The following RFX7 variants were observed in gnomAD, a reference collection of about 807,000 sequenced individuals.
RFX7 encodes the protein regulatory factor X7.
Under a neutral mutation model 111.8 loss-of-function variants are expected in RFX7, and 26 were observed. That is an observed-to-expected ratio of 0.23 (90% CI 0.17 to 0.32). The LOEUF is 0.32. RFX7 is among the 10% of genes least tolerant of loss of function. RFX7 has a pLI of 1.00. For synonymous variants in RFX7, 624 were observed against 624.4 expected, an observed-to-expected ratio of 1.00 and a Z score of 0.01; for missense variants, 1,573 against 1,772.9, an observed-to-expected ratio of 0.89 and a Z score of 2.02.
rs1234087376 is a variant in RFX7, at chr15:56,208,934, CAT to C, written c.162-29633_162-29632del. 1.3e-3 allele frequency among the ~76,000 whole-genome samples: 197 copies of C among 152,108 alleles called. 2 individuals are homozygous for C. The highest frequency in any genetic ancestry group is 4.6e-3 in the African/African-American group (191 of 41,524). ...TGTGGGATAACTACAAAGGGTGTAA[CAT>C]ATGTGTAATGGAAATTCCAGAAGGA... On this transcript the variant is annotated intron_variant, in intron 2 of 9. Coordinates refer to ENST00000559447, the MANE Select transcript of RFX7 (RefSeq NM_022841.7).
chr15:56,095,562 G>C lies in RFX7; in HGVS notation c.2166C>G (p.Val722=), dbSNP rs780954951. Residue 722 remains valine, a synonymous_variant, in exon 10 of 10, where the codon GTC becomes GTG. Coordinates refer to ENST00000559447, the MANE Select transcript of RFX7 (RefSeq NM_022841.7). ...GTTGATTTGCTCCTATGTGTGAACT[G>C]ACATTTACTGATACCTTGCTAGGAA... ...AQIPSKVSVN[V]SSHIGANQPL... 1 of 1,613,768 alleles carries C rather than the reference G, an allele frequency of 6.2e-7. No homozygotes were observed. Among genetic ancestry groups the C allele is most frequent in the African/African-American group, 1.3e-5 (1 of 74,914 alleles).
At chr15:56,203,364 G>A (rs1424028420) in intron 2 of RFX7, among the ~76,000 whole-genome samples, 10 of 152,102 alleles carry the variant, frequency 6.6e-5, no homozygotes, top group Non-Finnish European at 1.2e-4. Context: ...GAATTGCTGG[G>A]TTAAATAAAA....
chr15:56,142,045 T>C (rs1032332348), intron 5 of RFX7, among the ~76,000 whole-genome samples: 30 of 152,102 alleles, frequency 2.0e-4, no homozygotes, highest in Non-Finnish European at 2.5e-4. Context: ...TGCCCCAAAT[T>C]TGTAAGTACA....
intron 2 of RFX7, among the ~76,000 whole-genome samples, chr15:56,213,215 A>G (rs1376479426): frequency 6.6e-6 from 1 of 152,216 alleles, no homozygotes; most frequent in Non-Finnish European, 1.5e-5. Flanking sequence ...AATGCAGATT[A>G]TGTTCACATA....
At chr15:56,228,332 G>A (rs1316016285) in intron 2 of RFX7, among the ~76,000 whole-genome samples, 1 of 151,870 alleles carries the variant, frequency 6.6e-6, no homozygotes, top group African/African-American at 2.4e-5. Context: ...TTATGCTTAT[G>A]TTACACCTTT....
At position 56,243,532 on chromosome 15, in the gene RFX7, C is replaced by T. The variant is rs1380617907; in HGVS notation, c.-90G>A. 2.0e-6 allele frequency: 2 copies of T among 983,696 alleles called. No individual in the cohort carries two copies. Among genetic ancestry groups the T allele is most frequent in the East Asian group, 1.2e-4 (1 of 8,658 alleles). 60.9% of individuals were successfully genotyped at this position (983,696 alleles called of 1,614,324 possible). A position where few individuals can be genotyped will look rare whatever the true frequency, so the allele number is the denominator to read the frequency against. ...GCTCCTCACGGCCGGGGCGCTTCAC[C>T]GCGGGAGAGGCATGGCGGCGCCCCT... On this transcript the variant is annotated 5_prime_UTR_variant, in exon 1 of 10. Coordinates refer to ENST00000559447, the MANE Select transcript of RFX7 (RefSeq NM_022841.7).
At chr15:56,211,196 A>T (rs1596011734) in intron 2 of RFX7, among the ~76,000 whole-genome samples, 1 of 152,270 alleles carries the variant, frequency 6.6e-6, no homozygotes, top group South Asian at 2.1e-4. Context: ...TCTACCAAAC[A>T]TTTAAAAAAG....
In RFX7 at chr15:56,103,503, T is replaced by C. The variant is rs554307647; in HGVS notation, c.518+51A>G. 9.6e-5 allele frequency: 112 copies of C among 1,171,914 alleles called. 2 individuals carry two copies. In the South Asian group the frequency reaches 1.4e-3, roughly 15 times the overall value. 72.6% of individuals were successfully genotyped at this position (1,171,914 alleles called of 1,614,324 possible). On this transcript the variant is annotated intron_variant, in intron 6 of 9. Transcript: ENST00000559447. ...TTGAACTACAACAATAGATGTTCTA[T>C]AACAAGTGAGAACACAGAGATATTA...
Position 56,089,260 on chromosome 15 carries a change from C to G in RFX7, c.*4085G>C, listed in dbSNP as rs1441616229. On this transcript the variant is annotated 3_prime_UTR_variant, in exon 10 of 10. Coordinates refer to ENST00000559447, the MANE Select transcript of RFX7 (RefSeq NM_022841.7). ...CTCTGATAAAAGGCTAAGAACTGCTCTTACTATCCTGCTTGGGATGTTATG... is the reference window on the plus strand; with the variant it reads ...CTCTGATAAAAGGCTAAGAACTGCTGTTACTATCCTGCTTGGGATGTTATG... 1 of 152,482 alleles carries G rather than the reference C, an allele frequency of 6.6e-6. No homozygotes were observed. The highest frequency in any genetic ancestry group is 1.5e-5 in the Non-Finnish European group (1 of 68,026). The allele number at this position is 152,482 out of a possible 1,614,324, so 9.4% of individuals were successfully genotyped here.
chr15:56,117,191 T>A (rs1014054802), intron 5 of RFX7, among the ~76,000 whole-genome samples: 2 of 152,152 alleles, frequency 1.3e-5, no homozygotes, highest in Non-Finnish European at 2.9e-5. Context: ...AAAAGTTACA[T>A]AGAGTGCTGT....
Position 56,124,873 on chromosome 15 carries a change from AT to A in RFX7, c.401+17904del, listed in dbSNP as rs569896662. ...AAGCTTTTTGATCTGATATAATGCC[AT>A]TGGTTTACTTTTGCTTTTGTTGCCT... On this transcript the variant is annotated intron_variant, in intron 5 of 9. Transcript: ENST00000559447. Among the ~76,000 whole-genome samples the A allele has an allele frequency of 1.1e-3, 165 of 152,222 alleles. 1 individual carries two copies. The highest frequency in any genetic ancestry group is 3.8e-3 in the African/African-American group (158 of 41,534).
chr15:56,097,739 T>C (rs1403545688), intron 9 of RFX7, among the ~76,000 whole-genome samples: 2 of 20,826 alleles, frequency 9.6e-5, no homozygotes, highest in African/African-American at 3.5e-4. Flanking sequence ...AGAGCAAGAC[T>C]CTGTCTCAAA....
intron 4 of RFX7, among the ~76,000 whole-genome samples, chr15:56,143,303 A>C (rs1334408317): frequency 1.3e-5 from 2 of 151,664 alleles, no homozygotes; most frequent in African/African-American, 4.8e-5. Flanking sequence ...ATATATATAT[A>C]TACACACATA....
chr15:56,230,629 C>T (rs2043542959), intron 2 of RFX7, among the ~76,000 whole-genome samples: 1 of 152,102 alleles, frequency 6.6e-6, no homozygotes, highest in Admixed American at 6.5e-5. Context: ...ATTGTTGTCC[C>T]CACCTTCAAA....
intron 5 of RFX7, among the ~76,000 whole-genome samples, chr15:56,111,120 C>G (rs1381764211): frequency 7.2e-6 from 1 of 138,048 alleles, no homozygotes; most frequent in Non-Finnish European, 1.6e-5. Context: ...AGCCCCTCTG[C>G]CCGGCCACCA....
Position 56,150,008 on chromosome 15 carries a change from G to A in RFX7, c.196-5525C>T, listed in dbSNP as rs2042545616. ...CAGCAGCAATCTGAGATGCACCTGA[G>A]ACAGTCGACCTTGGTCGGGGGGTTG... On this transcript the variant is annotated intron_variant, in intron 3 of 9. Coordinates refer to ENST00000559447, the MANE Select transcript of RFX7 (RefSeq NM_022841.7). Among the ~76,000 whole-genome samples the A allele has an allele frequency of 2.3e-5, 3 of 131,624 alleles. No homozygotes were observed. In the South Asian group the frequency reaches 8.2e-4, roughly 36 times the overall value. 86.4% of individuals were successfully genotyped at this position (131,624 alleles called of 152,430 possible). A position where few individuals can be genotyped will look rare whatever the true frequency, so the allele number is the denominator to read the frequency against.
chr15:56,194,765 A>G (rs146848070), intron 2 of RFX7, among the ~76,000 whole-genome samples: 15 of 152,270 alleles, frequency 9.9e-5, no homozygotes, highest in African/African-American at 3.4e-4. Flanking sequence ...AAAATAATGG[A>G]TTCTGTTGGT....
At chr15:56,206,754 A>C (rs1266373769) in intron 2 of RFX7, among the ~76,000 whole-genome samples, 1 of 152,100 alleles carries the variant, frequency 6.6e-6, no homozygotes, top group African/African-American at 2.4e-5. Context: ...ACAGAAAAAA[A>C]AAACAGTACA....
chr15:56,113,250 C>T (rs1211772515), intron 5 of RFX7, among the ~76,000 whole-genome samples: 1 of 152,134 alleles, frequency 6.6e-6, no homozygotes, highest in Admixed American at 6.5e-5. Context: ...ATAGAACCAA[C>T]CAAAATGCCC....
Sources: gnomAD v4.1 joint callset for allele counts (sites outside exome capture counted in the v4.1 genomes callset) on GRCh38, gnomAD v4.1.1 for gene constraint, MANE v1.5 for transcripts, NCBI Gene and HGNC (gene_info 2026-07-23, HGNC 2026-07-21) for gene names.